The following CSMD3 variants were observed in gnomAD, a reference collection of about 807,000 sequenced individuals.
CSMD3 encodes the protein CUB and Sushi multiple domains 3.
A neutral mutation model predicts 435.2 loss-of-function variants in CSMD3; 177 were observed. The ratio of observed to expected loss-of-function variants is 0.41; its 90% CI spans 0.36 to 0.46. CSMD3 has a LOEUF of 0.46. Among genes scored for constraint, CSMD3 ranks in the 20% least tolerant of loss-of-function variants. The probability of loss-of-function intolerance (pLI) is 0.34; values close to 1 mark genes in which losing one functional copy is unlikely to be tolerated. For missense variants in CSMD3, 4,265 were observed against 4,504.6 expected (o/e 0.95, Z 1.52); for synonymous variants, 1,656 against 1,520.5 (o/e 1.09, Z -2.07).
chr8:113,400,421 TC>T (rs1460282812), intron 1 of CSMD3, among the ~76,000 whole-genome samples: 2 of 151,922 alleles, frequency 1.3e-5, no homozygotes, highest in African/African-American at 4.8e-5. Flanking sequence ...ATTACATTTT[TC>T]CCCCATTGTT....
At chr8:112,236,321 G>C (rs1291899499) in intron 67 of CSMD3, among the ~76,000 whole-genome samples, 1 of 151,888 alleles carries the variant, frequency 6.6e-6, no homozygotes, top group Non-Finnish European at 1.5e-5. Flanking sequence ...TAAAAAATGA[G>C]AGCAATTATA....
chr8:112,460,913 T>A (rs1817385273), intron 32 of CSMD3, among the ~76,000 whole-genome samples: 1 of 152,154 alleles, frequency 6.6e-6, no homozygotes. Context: ...GAGACTGGAA[T>A]CACAGATTTT....
chr8:113,105,441 A>T (rs974662613), intron 4 of CSMD3, among the ~76,000 whole-genome samples: 3 of 152,124 alleles, frequency 2.0e-5, no homozygotes, highest in Admixed American at 2.0e-4. Context: ...AGAGAGGAGG[A>T]AGCTCTGCAG....
intron 12 of CSMD3, among the ~76,000 whole-genome samples, chr8:112,815,697 A>G (rs1354200634): frequency 2.0e-5 from 3 of 152,302 alleles, no homozygotes; most frequent in Admixed American, 2.0e-4. Context: ...ATTCAAAAAC[A>G]AATACATATA....
rs573360780 is a variant in CSMD3, at chr8:112,969,794, T to A, written c.1342+6043A>T. Among the ~76,000 whole-genome samples the A allele has an allele frequency of 7.8e-4, 119 of 152,058 alleles. 1 individual carries two copies. Among genetic ancestry groups the A allele is most frequent in the African/African-American group, 2.8e-3 (115 of 41,514 alleles). On this transcript the variant is annotated intron_variant, in intron 7 of 70. Coordinates refer to ENST00000297405, the MANE Select transcript of CSMD3 (RefSeq NM_198123.2). ...AGGACTTGTCCACATATTGAAAAAATTTCTATTATTCTACTAAAGTCTCCA... is the reference window on the plus strand; with the variant it reads ...AGGACTTGTCCACATATTGAAAAAAATTCTATTATTCTACTAAAGTCTCCA...
At chr8:112,692,919 A>ATCTT (rs1232639367) in intron 13 of CSMD3, among the ~76,000 whole-genome samples, 1 of 49,250 alleles carries the variant, frequency 2.0e-5, no homozygotes, top group East Asian at 7.1e-4. Context: ...CTTTATATCT[A>ATCTT]TCTATCTATC....
intron 2 of CSMD3, among the ~76,000 whole-genome samples, chr8:113,291,662 C>A (rs1293208928): frequency 6.6e-6 from 1 of 151,770 alleles, no homozygotes; most frequent in Admixed American, 6.6e-5. Context: ...GATGTTTGTT[C>A]CCCTACGAGT....
At chr8:112,752,316 C>T (rs1429628047) in intron 13 of CSMD3, among the ~76,000 whole-genome samples, 2 of 152,062 alleles carry the variant, frequency 1.3e-5, no homozygotes, top group East Asian at 3.9e-4. Flanking sequence ...CTTTTTATTT[C>T]CTACTTGTAC....
At chr8:113,294,107 C>T (rs1287438628) in intron 2 of CSMD3, among the ~76,000 whole-genome samples, 1 of 151,944 alleles carries the variant, frequency 6.6e-6, no homozygotes, top group Non-Finnish European at 1.5e-5. Flanking sequence ...CCATGTATTA[C>T]ATTAAGAATT....
intron 23 of CSMD3, among the ~76,000 whole-genome samples, chr8:112,581,806 A>G (rs1385489055): frequency 6.6e-6 from 1 of 152,026 alleles, no homozygotes; most frequent in Non-Finnish European, 1.5e-5. Flanking sequence ...TATGAAGAAG[A>G]ATAAATCAGA....
chr8:112,299,099 G>C (rs1820649488), intron 53 of CSMD3, among the ~76,000 whole-genome samples: 5 of 152,112 alleles, frequency 3.3e-5, no homozygotes, highest in Admixed American at 3.3e-4. Flanking sequence ...TTATACAAAA[G>C]AGTGCACAAT....
chr8:112,494,510 T>C (rs1586510132), intron 30 of CSMD3, among the ~76,000 whole-genome samples: 2 of 81,978 alleles, frequency 2.4e-5, no homozygotes, highest in Admixed American at 1.2e-4. Flanking sequence ...TTTCTTTCTT[T>C]CTTTCTTTCT....
At chr8:112,365,772 G>A (rs1017973151) in intron 38 of CSMD3, among the ~76,000 whole-genome samples, 3 of 152,240 alleles carry the variant, frequency 2.0e-5, no homozygotes, top group Middle Eastern at 3.4e-3. Context: ...GAGAGAAGAA[G>A]ATGAAGCCTG....
intron 27 of CSMD3, among the ~76,000 whole-genome samples, chr8:112,541,510 G>A (rs1826659100): frequency 6.6e-6 from 1 of 151,528 alleles, no homozygotes; most frequent in South Asian, 2.1e-4. Context: ...GAAAAAAAGT[G>A]GACACATTTA....
chr8:113,057,236 T>A (rs2088382718), intron 5 of CSMD3, among the ~76,000 whole-genome samples: 1 of 152,146 alleles, frequency 6.6e-6, no homozygotes, highest in South Asian at 2.1e-4. Context: ...ACTTATTTAT[T>A]TTTCAATAAT....
intron 32 of CSMD3, among the ~76,000 whole-genome samples, chr8:112,438,760 C>A (rs1284501114): frequency 6.6e-6 from 1 of 152,124 alleles, no homozygotes; most frequent in Non-Finnish European, 1.5e-5. Context: ...AGGAAAGACT[C>A]ATAAAAGGGT....
rs575343357 is a variant in CSMD3, at chr8:112,883,637, A to G, written c.1634-24371T>C. Among the ~76,000 whole-genome samples, 13 of 152,024 alleles carry G rather than the reference A, an allele frequency of 8.6e-5. No homozygotes were observed. The South Asian group carries it at 2.5e-3, about 29-fold the overall frequency. On this transcript the variant is annotated intron_variant, in intron 10 of 70. Coordinates refer to ENST00000297405, the MANE Select transcript of CSMD3 (RefSeq NM_198123.2). Reference sequence around the variant, plus strand: ...TATTCTCTTAACCCAGTTCCCTTGAATGTTAACATCTCTTACAAAATCATG... The same window carrying G: ...TATTCTCTTAACCCAGTTCCCTTGAGTGTTAACATCTCTTACAAAATCATG...
At chr8:112,555,093 T>C (rs1305688271) in intron 25 of CSMD3, among the ~76,000 whole-genome samples, 1 of 151,954 alleles carries the variant, frequency 6.6e-6, no homozygotes, top group African/African-American at 2.4e-5. Context: ...CATCCATCAT[T>C]AGAATTTTAA....
intron 6 of CSMD3, among the ~76,000 whole-genome samples, chr8:113,000,545 A>C (rs2085824812): frequency 6.6e-6 from 1 of 152,078 alleles, no homozygotes; most frequent in Admixed American, 6.6e-5. Context: ...TCCACAATGC[A>C]TTTATACTTG....
Sources: allele counts gnomAD v4.1 joint callset (sites outside exome capture counted in the v4.1 genomes callset), GRCh38; gene constraint gnomAD v4.1.1; transcripts MANE v1.5; gene names NCBI Gene and HGNC (gene_info 2026-07-23, HGNC 2026-07-21).